SMOC1: variants seen among roughly 807,000 people sequenced by gnomAD.
The protein encoded by SMOC1 is SPARC related modular calcium binding 1, also known as SPARC-related modular calcium-binding protein 1.
SMOC1 carries 22 observed loss-of-function variants against 56.3 expected under a neutral mutation model. The observed-to-expected ratio is 0.39, with a 90% CI of 0.28 to 0.56. The LOEUF (loss-of-function observed/expected upper bound fraction) is 0.56, where lower values mean the gene tolerates loss of function less well. SMOC1 is among the 20% of genes least tolerant of loss of function. The probability of loss-of-function intolerance (pLI) is 0.61; values close to 1 mark genes in which losing one functional copy is unlikely to be tolerated. For missense variants in SMOC1, 509 were observed against 565.4 expected, an observed-to-expected ratio of 0.90 and a Z score of 1.01; for synonymous variants, 193 against 215.0, an observed-to-expected ratio of 0.90 and a Z score of 0.89.
chr14:69,967,154 T>G (rs527906610), intron 3 of SMOC1, among the ~76,000 whole-genome samples: 2 of 152,376 alleles, frequency 1.3e-5, no homozygotes, highest in South Asian at 4.1e-4. Flanking sequence ...AAAAATGCAG[T>G]TGACAAAGAC....
At chr14:69,966,002 G>A (rs952810352) in intron 3 of SMOC1, among the ~76,000 whole-genome samples, 1 of 151,984 alleles carries the variant, frequency 6.6e-6, no homozygotes, top group African/African-American at 2.4e-5. Flanking sequence ...TCAGGTGGGA[G>A]GTGTGAAGAC....
rs1452496487 is a variant in SMOC1 at position 69,992,433 on chromosome 14, G to A, written c.543G>A (p.Pro181=). 12 of 1,613,946 alleles carry A rather than the reference G, an allele frequency of 7.4e-6. No homozygotes were observed. The highest frequency in any genetic ancestry group is 4.5e-5 in the East Asian group (2 of 44,898). The change falls in exon 6 of 12, where the codon CCG becomes CCA. Residue 181 remains proline (P), a synonymous_variant. Transcript: ENST00000361956. ...NSGRKDDGSK[P]TPTMETQPVF... is the part of the protein sequence containing the mutation. ...TCAATTCAGATGACGGGTCTAAGCC[G>A]ACACCCACGATGGAGACCCAGCCGG...
chr14:69,924,223 C>G (rs1194587742), intron 1 of SMOC1, among the ~76,000 whole-genome samples: 1 of 152,220 alleles, frequency 6.6e-6, no homozygotes, highest in African/African-American at 2.4e-5. Context: ...CCCTCAGCTC[C>G]TGCATCTGGT....
At chr14:70,029,283 T>A (rs1886051635) in intron 11 of SMOC1, among the ~76,000 whole-genome samples, 1 of 152,198 alleles carries the variant, frequency 6.6e-6, no homozygotes, top group South Asian at 2.1e-4. Flanking sequence ...TGGGACTTTG[T>A]GTAAGTCGCC....
At chr14:69,903,498 T>C (rs979180117) in intron 1 of SMOC1, among the ~76,000 whole-genome samples, 5 of 152,114 alleles carry the variant, frequency 3.3e-5, no homozygotes, top group Non-Finnish European at 7.4e-5. Flanking sequence ...AGAAATCAGA[T>C]TGTTGCTGTG....
intron 1 of SMOC1, among the ~76,000 whole-genome samples, chr14:69,909,096 C>G (rs1448371363): frequency 1.3e-5 from 2 of 152,062 alleles, no homozygotes; most frequent in East Asian, 1.9e-4. Flanking sequence ...GTCAGGGACT[C>G]CATATTTCCA....
intron 1 of SMOC1, among the ~76,000 whole-genome samples, chr14:69,908,756 A>C (rs938923163): frequency 5.9e-5 from 9 of 151,986 alleles, no homozygotes; most frequent in African/African-American, 7.3e-5. Flanking sequence ...ATTCTGGTTT[A>C]TTGTGGTAAC....
intron 1 of SMOC1, among the ~76,000 whole-genome samples, chr14:69,928,114 G>A (rs992493402): frequency 1.3e-5 from 2 of 152,208 alleles, no homozygotes; most frequent in Non-Finnish European, 2.9e-5. Flanking sequence ...GTGAGGAGAA[G>A]GGACTTGCCC....
At chr14:69,909,031 C>T (rs1295442910) in intron 1 of SMOC1, among the ~76,000 whole-genome samples, 7 of 152,078 alleles carry the variant, frequency 4.6e-5, no homozygotes, top group Non-Finnish European at 7.4e-5. Context: ...TGGATTGGCT[C>T]GTTCACTGTA....
At chr14:69,962,857 G>A (rs914141617) in intron 3 of SMOC1, among the ~76,000 whole-genome samples, 4 of 152,180 alleles carry the variant, frequency 2.6e-5, no homozygotes, top group African/African-American at 4.8e-5. Context: ...GATTACAGGC[G>A]TGAGCCACTG....
At chr14:69,976,845 T>C (rs768059784) in intron 4 of SMOC1, among the ~76,000 whole-genome samples, 40 of 152,352 alleles carry the variant, frequency 2.6e-4, no homozygotes, top group Admixed American at 7.8e-4. Flanking sequence ...CTGACAGTCT[T>C]GCTATCATAG....
At chr14:70,026,661 C>T (rs1356494780) in intron 11 of SMOC1, among the ~76,000 whole-genome samples, 1 of 152,188 alleles carries the variant, frequency 6.6e-6, no homozygotes, top group Non-Finnish European at 1.5e-5. Context: ...CCAATACACC[C>T]TCTTGAACCT....
intron 1 of SMOC1, among the ~76,000 whole-genome samples, chr14:69,933,968 T>A (rs530490529): frequency 6.6e-6 from 1 of 152,322 alleles, no homozygotes; most frequent in African/African-American, 2.4e-5. Flanking sequence ...ATTAATGTAG[T>A]AACATCTAAG....
At chr14:69,902,817 G>T (rs1258064022) in intron 1 of SMOC1, among the ~76,000 whole-genome samples, 7 of 152,144 alleles carry the variant, frequency 4.6e-5, no homozygotes, top group Non-Finnish European at 1.0e-4. Context: ...ACGGGGTTTC[G>T]CTGTGTTGGC....
chr14:69,990,408 T>A (rs1884519148), intron 5 of SMOC1, among the ~76,000 whole-genome samples: 1 of 152,238 alleles, frequency 6.6e-6, no homozygotes. Flanking sequence ...CCTCCTGGAA[T>A]GTTTGATTTT....
intron 3 of SMOC1, 65 bp downstream of exon 3, chr14:69,953,597 A>T: frequency 7.3e-7 from 1 of 1,377,180 alleles, no homozygotes; most frequent in Non-Finnish European, 1.0e-6. Context: ...GTGTCCCGAG[A>T]GCGCGAGGGC....
At chr14:70,020,840 G>T (rs1291804995) in intron 10 of SMOC1, among the ~76,000 whole-genome samples, 1 of 152,194 alleles carries the variant, frequency 6.6e-6, no homozygotes, top group Non-Finnish European at 1.5e-5. Flanking sequence ...ACTCTTGGAG[G>T]TTGTAAAGTC....
intron 1 of SMOC1, among the ~76,000 whole-genome samples, chr14:69,926,517 T>C (rs894111044): frequency 2.6e-5 from 4 of 152,212 alleles, no homozygotes; most frequent in Admixed American, 2.0e-4. Context: ...TTTGGATTCC[T>C]TCTCCTGCTA....
At chr14:69,991,512 A>C (rs2139542353) in intron 5 of SMOC1, among the ~76,000 whole-genome samples, 1 of 152,294 alleles carries the variant, frequency 6.6e-6, no homozygotes, top group South Asian at 2.1e-4. Flanking sequence ...TACTGCTATA[A>C]GCTAAGGTTT....
Sources: allele counts gnomAD v4.1 joint callset (sites outside exome capture counted in the v4.1 genomes callset), GRCh38; gene constraint gnomAD v4.1.1; transcripts MANE v1.5; gene names NCBI Gene and HGNC (gene_info 2026-07-23, HGNC 2026-07-21).